Variants in ELL observed in about 807,000 individuals in gnomAD.
ELL encodes the protein RNA polymerase II elongation factor ELL.
Under a neutral mutation model 64.0 loss-of-function variants are expected in ELL, and 18 were observed. The ratio of observed to expected loss-of-function variants is 0.28; its 90% CI spans 0.19 to 0.42. The LOEUF (loss-of-function observed/expected upper bound fraction) is 0.42. Ranked by LOEUF, ELL falls within the 10% of genes least tolerant of loss-of-function variation. The pLI is 1.00. For missense variants in ELL, 797 were observed against 870.4 expected, an observed-to-expected ratio of 0.92 and a Z score of 1.06; for synonymous variants, 399 against 376.2, an observed-to-expected ratio of 1.06 and a Z score of -0.70.
chr19:18,518,844 C>T (rs573160192), intron 1 of ELL, among the ~76,000 whole-genome samples: 82 of 152,022 alleles, frequency 5.4e-4, no homozygotes, highest in South Asian at 3.9e-3. Flanking sequence ...AGTGAGAAGG[C>T]CAGCAGCTAT....
chr19:18,492,615 T>C (rs1301854530), intron 1 of ELL, among the ~76,000 whole-genome samples: 1 of 152,198 alleles, frequency 6.6e-6, no homozygotes, highest in Non-Finnish European at 1.5e-5. Flanking sequence ...GGGTCACATA[T>C]TTCTTTTGAG....
At chr19:18,445,551 G>A (rs1314638914) in intron 10 of ELL, among the ~76,000 whole-genome samples, 1 of 146,656 alleles carries the variant, frequency 6.8e-6, no homozygotes, top group African/African-American at 2.5e-5. Context: ...GGGGTGGGGA[G>A]GGGGTGGGGG....
chr19:18,517,886 C>CAAA (rs35771773), intron 1 of ELL, among the ~76,000 whole-genome samples: 13 of 84,612 alleles, frequency 1.5e-4, no homozygotes, highest in Admixed American at 8.6e-4. Context: ...GACCTTGTCT[C>CAAA]AAAAAAAAAA....
chr19:18,510,197 G>A (rs567775522), intron 1 of ELL, among the ~76,000 whole-genome samples: 31 of 152,288 alleles, frequency 2.0e-4, no homozygotes, highest in Middle Eastern at 3.4e-3. Context: ...GTGAAACCCC[G>A]TCTCTACTAA....
At chr19:18,475,331 A>G (rs1372555411) in intron 1 of ELL, among the ~76,000 whole-genome samples, 1 of 152,220 alleles carries the variant, frequency 6.6e-6, no homozygotes, top group Non-Finnish European at 1.5e-5. Flanking sequence ...TACCCATCAG[A>G]GCAGCTAATC....
rs747650223 is a variant in ELL at position 18,445,316 on chromosome 19, C to T, written c.1705-48G>A. ...AGAAAACAGAATGTGTCCCCGCCTA[C>T]AGGAAACCCAAATTGAGTGGTCCCA... On this transcript the variant is annotated intron_variant, in intron 10 of 11. Coordinates refer to ENST00000262809, the MANE Select transcript of ELL (RefSeq NM_006532.4). 17 of 1,599,434 alleles carry T rather than the reference C, an allele frequency of 1.1e-5. No homozygotes were observed. In the Admixed American group the frequency reaches 2.5e-4, roughly 24 times the overall value.
intron 2 of ELL, among the ~76,000 whole-genome samples, chr19:18,467,662 CACACACACACAA>C (rs1285550101): frequency 2.0e-4 from 23 of 117,508 alleles, no homozygotes; most frequent in African/African-American, 9.2e-4. Flanking sequence ...CACACACACA[CACACACACACAA>C]ACACAACCCC....
chr19:18,472,887 A>T lies in ELL; in HGVS notation c.136-5T>A, dbSNP rs756843636. The T allele has an allele frequency of 6.1e-4, 125 of 203,744 alleles. No homozygotes were observed. The highest frequency in any genetic ancestry group is 8.1e-4 in the Non-Finnish European group (89 of 109,234). 12.6% of individuals were successfully genotyped at this position (203,744 alleles called of 1,614,324 possible). ...TGGCCTCAGTGAAACAGAATCCTAT[A>T]AAAAAAAAAAAAAAAAAAAAAAGGT... On this transcript the variant is annotated splice_polypyrimidine_tract_variant and splice_region_variant and intron_variant, in intron 1 of 11. Transcript: ENST00000262809.
chr19:18,514,370 C>T (rs181343366), intron 1 of ELL, among the ~76,000 whole-genome samples: 76 of 151,774 alleles, frequency 5.0e-4, no homozygotes, highest in African/African-American at 1.8e-3. Context: ...AAAAATTAGC[C>T]GGGTGTGGTG....
At chr19:18,506,750 AC>A (rs1385250986) in intron 1 of ELL, among the ~76,000 whole-genome samples, 1 of 152,174 alleles carries the variant, frequency 6.6e-6, no homozygotes, top group African/African-American at 2.4e-5. Flanking sequence ...CTTCCGTTCA[AC>A]AGCATGTGAA....
At chr19:18,475,839 C>G (rs186521587) in intron 1 of ELL, 2 of 152,148 alleles carry the variant, frequency 1.3e-5, no homozygotes, top group South Asian at 2.1e-4. Flanking sequence ...ACAGGATGTT[C>G]GCTACACCTT....
At chr19:18,473,229 G>A in intron 1 of ELL, 2 of 573,756 alleles carry the variant, frequency 3.5e-6, no homozygotes, top group Non-Finnish European at 6.6e-6. Context: ...CACCGGGAGA[G>A]AAGGGCAAGG....
intron 6 of ELL, among the ~76,000 whole-genome samples, chr19:18,457,051 C>T (rs371321232): frequency 3.3e-5 from 5 of 152,120 alleles, no homozygotes; most frequent in African/African-American, 9.7e-5. Flanking sequence ...GCCCCCTGCA[C>T]GCTAGTGGAA....
chr19:18,455,896 T>G (rs1167573713), intron 6 of ELL, among the ~76,000 whole-genome samples: 1 of 151,912 alleles, frequency 6.6e-6, no homozygotes, highest in Non-Finnish European at 1.5e-5. Flanking sequence ...ATCCGGAGTT[T>G]GAGACCAGCC....
At chr19:18,463,217 G>C (rs35721239) in intron 4 of ELL, among the ~76,000 whole-genome samples, 6,093 of 152,178 alleles carry the variant, frequency 0.04, 165 homozygotes, top group Middle Eastern at 0.082. Flanking sequence ...GTTCAGTGGG[G>C]TCCTGACAGC....
chr19:18,460,909 G>A (rs1371562597), intron 5 of ELL, among the ~76,000 whole-genome samples: 2 of 152,146 alleles, frequency 1.3e-5, no homozygotes, highest in African/African-American at 2.4e-5. Context: ...AAGCCAGTGC[G>A]AGTCACTCCC....
At chr19:18,505,546 C>T (rs1285786146) in intron 1 of ELL, among the ~76,000 whole-genome samples, 1 of 152,194 alleles carries the variant, frequency 6.6e-6, no homozygotes, top group East Asian at 1.9e-4. Flanking sequence ...CAACAGCCCT[C>T]AGTAACGCAG....
intron 1 of ELL, among the ~76,000 whole-genome samples, chr19:18,481,517 G>A (rs1444624522): frequency 6.6e-6 from 1 of 152,070 alleles, no homozygotes; most frequent in African/African-American, 2.4e-5. Context: ...CTCTTACGAG[G>A]ACACTTGTGA....
chr19:18,471,853 C>T lies in ELL; in HGVS notation c.183+982G>A, dbSNP rs1159665488. 6.6e-5 allele frequency among the ~76,000 whole-genome samples: 10 copies of T among 152,288 alleles called. No homozygotes were observed. The South Asian group carries it at 8.3e-4, about 13-fold the overall frequency. ...ATGAGGGTGCTGAGTTTCTATGAAC[C>T]TCTCTCCCAACCAAAATCCAGACAA... On this transcript the variant is annotated intron_variant, in intron 2 of 11. Transcript: ENST00000262809.
Sources: gnomAD v4.1 joint callset for allele counts (sites outside exome capture counted in the v4.1 genomes callset) on GRCh38, gnomAD v4.1.1 for gene constraint, MANE v1.5 for transcripts, NCBI Gene and HGNC (gene_info 2026-07-23, HGNC 2026-07-21) for gene names.